Variants in NTSR2 observed in about 807,000 individuals in gnomAD.
NTSR2 encodes the protein neurotensin receptor type 2.
In NTSR2, 22 loss-of-function variants were observed where a neutral mutation model predicts 24.1. The observed-to-expected ratio is 0.91, with a 90% CI of 0.65 to 1.30. The LOEUF (loss-of-function observed/expected upper bound fraction) is 1.30, where lower values mean the gene tolerates loss of function less well. Ranked by LOEUF, NTSR2 falls within the 50% of genes most tolerant of loss-of-function variation. NTSR2 has a pLI of 0.00. For missense variants in NTSR2, 570 were observed against 570.4 expected, an observed-to-expected ratio of 1.00 and a Z score of 0.01; for synonymous variants, 291 against 267.0, an observed-to-expected ratio of 1.09 and a Z score of -0.88.
Position 11,658,545 on chromosome 2 carries a change from C to T in NTSR2, c.1167G>A (p.Lys389=). The part of the protein sequence containing the change: ...EHHPMKRLPP[K]PQSPTLMDTA... ...TATCCATTAGGGTGGGACTCTGGGG[C>T]TTCGGGGGTAACCGCTTCATGGGGT... Residue 389 remains lysine (K), a synonymous_variant, in exon 4 of 4, where the codon AAG becomes AAA. Coordinates refer to ENST00000306928, the MANE Select transcript of NTSR2 (RefSeq NM_012344.4). The T allele has an allele frequency of 6.2e-7, 1 of 1,614,162 alleles. No individual in the cohort carries two copies. Among genetic ancestry groups the T allele is most frequent in the South Asian group, 1.1e-5 (1 of 91,074 alleles).
rs775018756 is a variant in NTSR2 at position 11,660,045 on chromosome 2, A to G, written c.987T>C (p.Thr329=). The G allele has an allele frequency of 6.2e-6, 10 of 1,612,744 alleles. No individual in the cohort carries two copies. Among genetic ancestry groups the G allele is most frequent in the Non-Finnish European group, 8.5e-6 (10 of 1,179,064 alleles). ...MYCYVPDDAW[T]DPLYNFYHYF... is the part of the protein sequence containing the mutation. ...TAGGGTCCTTCTGCCACACTCACTCAGTCCACGCGTCATCAGGTACGTAGC... is the reference window on the plus strand; with the variant it reads ...TAGGGTCCTTCTGCCACACTCACTCGGTCCACGCGTCATCAGGTACGTAGC... The change falls in exon 3 of 4, where the codon ACT becomes ACC. Residue 329 remains threonine, a splice_region_variant and synonymous_variant. Transcript: ENST00000306928.
chr2:11,669,459 C>CCGGCGGGGGGGGG, intron 1 of NTSR2, 47 bp downstream of exon 1: 1 of 337,894 alleles, frequency 3.0e-6, no homozygotes, highest in Non-Finnish European at 5.3e-6. Context: ...CTCCCAGCAC[C>CCGGCGGGGGGGGG]GCCCCCCCAC....
rs2148490399 is a variant in NTSR2, at chr2:11,669,376, A to C, written c.624+130T>G. ...TCTAGTAAAATGGGACAGAGCAACAAGACCCAACTTGCTGGGTGGTGGCGA... is the reference window on the plus strand; with the variant it reads ...TCTAGTAAAATGGGACAGAGCAACACGACCCAACTTGCTGGGTGGTGGCGA... On this transcript the variant is annotated intron_variant, in intron 1 of 3. Transcript: ENST00000306928. The C allele has an allele frequency of 3.7e-6, 3 of 816,562 alleles. No individual in the cohort carries two copies. The South Asian group carries it at 9.2e-5, about 25-fold the overall frequency. 50.6% of individuals were successfully genotyped at this position (816,562 alleles called of 1,614,324 possible).
intron 1 of NTSR2, among the ~76,000 whole-genome samples, chr2:11,667,667 T>C (rs1045357326): frequency 6.6e-6 from 1 of 152,164 alleles, no homozygotes; most frequent in South Asian, 2.1e-4. Context: ...AAATGCGAAG[T>C]TCCATGTAAA....
chr2:11,663,810 A>C (rs1352022462), intron 1 of NTSR2, among the ~76,000 whole-genome samples: 1 of 149,186 alleles, frequency 6.7e-6, no homozygotes, highest in Non-Finnish European at 1.5e-5. Context: ...TTTAAAACAG[A>C]AATAAAGCTA....
chr2:11,663,232 C>T (rs1395695377), intron 1 of NTSR2, among the ~76,000 whole-genome samples: 1 of 152,028 alleles, frequency 6.6e-6, no homozygotes, highest in Admixed American at 6.6e-5. Context: ...GGTTATAAGC[C>T]AATAAAGAGG....
chr2:11,668,365 T>C (rs1661249284), intron 1 of NTSR2, among the ~76,000 whole-genome samples: 1 of 152,164 alleles, frequency 6.6e-6, no homozygotes, highest in African/African-American at 2.4e-5. Context: ...GCCCTTCGAC[T>C]GTGTAGGCAG....
intron 3 of NTSR2, 127 bp from the exon 4 acceptor site, chr2:11,658,849 A>G: frequency 8.8e-7 from 1 of 1,135,636 alleles, no homozygotes; most frequent in South Asian, 1.5e-5. Context: ...ATCAGGAAGC[A>G]CAGTGTTTTT....
At chr2:11,662,713 G>A (rs547878349) in intron 1 of NTSR2, among the ~76,000 whole-genome samples, 35 of 152,234 alleles carry the variant, frequency 2.3e-4, no homozygotes, top group African/African-American at 7.5e-4. Flanking sequence ...CCCAGGAGGC[G>A]GAGCTTGCAG....
chr2:11,661,040 G>T (rs2148483724), intron 2 of NTSR2, among the ~76,000 whole-genome samples: 1 of 152,060 alleles, frequency 6.6e-6, no homozygotes, highest in Non-Finnish European at 1.5e-5. Flanking sequence ...CTTCTACTCT[G>T]CTCTGACTGG....
intron 1 of NTSR2, among the ~76,000 whole-genome samples, chr2:11,667,275 C>T (rs1572269331): frequency 6.6e-6 from 1 of 152,342 alleles, no homozygotes; most frequent in African/African-American, 2.4e-5. Context: ...TCTGACTACA[C>T]CCCTCTCCAG....
chr2:11,667,438 C>T (rs1319941539), intron 1 of NTSR2, among the ~76,000 whole-genome samples: 1 of 152,140 alleles, frequency 6.6e-6, no homozygotes, highest in Middle Eastern at 3.2e-3. Context: ...CCTCAAACTC[C>T]TCGGTTCAAG....
At chr2:11,664,146 A>C (rs1250719403) in intron 1 of NTSR2, among the ~76,000 whole-genome samples, 8 of 60,854 alleles carry the variant, frequency 1.3e-4, no homozygotes, top group African/African-American at 4.0e-4. Flanking sequence ...TTTTTTTTTG[A>C]GACGAGGTCG....
At chr2:11,658,812 G>A in intron 3 of NTSR2, 90 bp from the exon 4 acceptor site, 1 of 1,427,422 alleles carries the variant, frequency 7.0e-7, no homozygotes, top group Non-Finnish European at 9.5e-7. Flanking sequence ...CCTCCAGAGG[G>A]CTGCATGACG....
At position 11,658,508 on chromosome 2, in the gene NTSR2, A is replaced by G; in HGVS notation, c.1204T>C (p.Phe402Leu). 4.4e-6 allele frequency: 7 copies of G among 1,607,580 alleles called. No individual in the cohort carries two copies. Among genetic ancestry groups the G allele is most frequent in the Non-Finnish European group, 6.0e-6 (7 of 1,176,232 alleles). Residue 402 changes from phenylalanine to leucine, a missense_variant, in exon 4 of 4, where the codon TTT becomes CTT. Physicochemically the swap from Phe to Leu is conservative, Grantham distance 22 (BLOSUM62 0). Coordinates refer to ENST00000306928, the MANE Select transcript of NTSR2 (RefSeq NM_012344.4). ...SPTLMDTASGFGDPPETRT is the reference protein window; with the variant it reads ...SPTLMDTASGLGDPPETRT ...GTCCGGGTTTCTGGGGGATCCCCAA[A>G]GCCTGAAGCTGTATCCATTAGGGTG...
intron 1 of NTSR2, among the ~76,000 whole-genome samples, chr2:11,667,254 C>T (rs999109924): frequency 3.3e-5 from 5 of 152,220 alleles, no homozygotes; most frequent in Non-Finnish European, 7.3e-5. Flanking sequence ...CCATCATTTG[C>T]AACATAGAGT....
At position 11,669,851 on chromosome 2, in the gene NTSR2, G is replaced by A; in HGVS notation, c.279C>T (p.Ser93=). 6.3e-7 allele frequency: 1 copy of A among 1,584,808 alleles called. No individual in the cohort carries two copies. The highest frequency in any genetic ancestry group is 8.5e-7 in the Non-Finnish European group (1 of 1,172,108). The change falls in exon 1 of 4, where the codon AGC becomes AGT. Residue 93 remains serine, a synonymous_variant. Coordinates refer to ENST00000306928, the MANE Select transcript of NTSR2 (RefSeq NM_012344.4). ...CCCAGGGGTAGTGGAACCACACGAA[G>A]CTGTAGAGCTCCACCGGCACGCCGA... ...LLVGVPVELY[S]FVWFHYPWVF...
chr2:11,666,385 TAAA>T (rs139631686), intron 1 of NTSR2, among the ~76,000 whole-genome samples: 7,624 of 133,698 alleles, frequency 0.057, 253 homozygotes, highest in Non-Finnish European at 0.093. Flanking sequence ...AAGCAAAAAA[TAAA>T]ATAAAAAACA....
At chr2:11,666,396 A>G (rs1281631693) in intron 1 of NTSR2, among the ~76,000 whole-genome samples, 1 of 152,032 alleles carries the variant, frequency 6.6e-6, no homozygotes, top group Admixed American at 6.6e-5. Flanking sequence ...AAAATAAAAA[A>G]CAACGAACAA....
Sources: gnomAD v4.1 joint callset for allele counts (sites outside exome capture counted in the v4.1 genomes callset) on GRCh38, gnomAD v4.1.1 for gene constraint, MANE v1.5 for transcripts, NCBI Gene and HGNC (gene_info 2026-07-23, HGNC 2026-07-21) for gene names.